The following IQGAP2 variants were observed in gnomAD, a reference collection of about 807,000 sequenced individuals.
The protein encoded by IQGAP2 is ras GTPase-activating-like protein IQGAP2.
Under a neutral mutation model 201.3 loss-of-function variants are expected in IQGAP2, and 173 were observed. The ratio of observed to expected loss-of-function variants is 0.86; its 90% CI spans 0.76 to 0.98. The LOEUF (loss-of-function observed/expected upper bound fraction) is 0.98, where lower values mean the gene tolerates loss of function less well. IQGAP2 is among the 50% of genes least tolerant of loss of function. IQGAP2 has a pLI of 0.00. For synonymous variants in IQGAP2, 675 were observed against 673.9 expected (o/e 1.00, Z -0.03); for missense variants, 1,687 against 1,864.8 (o/e 0.90, Z 1.76).
At chr5:76,532,053 A>G (rs1759328142) in intron 2 of IQGAP2, among the ~76,000 whole-genome samples, 1 of 152,244 alleles carries the variant, frequency 6.6e-6, no homozygotes, top group Non-Finnish European at 1.5e-5. Context: ...CACAGGCCAT[A>G]TCTCCTAATA....
intron 1 of IQGAP2, among the ~76,000 whole-genome samples, chr5:76,460,266 C>T (rs1258511426): frequency 1.3e-5 from 2 of 152,162 alleles, no homozygotes; most frequent in East Asian, 3.8e-4. Flanking sequence ...GCACCACCTG[C>T]AGAAGGTGGG....
chr5:76,404,434 G>A (rs1226641012), intron 1 of IQGAP2: 2 of 984,154 alleles, frequency 2.0e-6, no homozygotes, highest in Non-Finnish European at 2.4e-6. Context: ...AAAACAAACA[G>A]AAAGTTGGCC....
chr5:76,480,775 A>G (rs1755736368), intron 2 of IQGAP2, among the ~76,000 whole-genome samples: 1 of 151,944 alleles, frequency 6.6e-6, no homozygotes, highest in Non-Finnish European at 1.5e-5. Flanking sequence ...ATGTGAGAGA[A>G]TTTTTTGTGC....
At chr5:76,618,553 G>A (rs1749255273) in intron 13 of IQGAP2, 2 of 1,614,092 alleles carry the variant, frequency 1.2e-6, no homozygotes, top group Admixed American at 1.7e-5. Context: ...GCAGAAAAGG[G>A]GAACTCTTCA....
intron 17 of IQGAP2, among the ~76,000 whole-genome samples, 162 bp downstream of exon 17, chr5:76,641,265 T>C (rs1030495699): frequency 1.3e-5 from 2 of 152,178 alleles, no homozygotes; most frequent in Non-Finnish European, 2.9e-5. Context: ...GGCTTTAAAA[T>C]AGGAAGCATT....
At chr5:76,481,117 A>G (rs2150144616) in intron 2 of IQGAP2, among the ~76,000 whole-genome samples, 1 of 152,242 alleles carries the variant, frequency 6.6e-6, no homozygotes, top group Middle Eastern at 3.4e-3. Flanking sequence ...CCACCTCTTA[A>G]TGCTATCACA....
At chr5:76,601,058 G>A (rs1229062841) in intron 11 of IQGAP2, 86 bp downstream of exon 11, 10 of 1,293,074 alleles carry the variant, frequency 7.7e-6, no homozygotes, top group Non-Finnish European at 1.1e-5. Flanking sequence ...TGTTGGTGGA[G>A]AAATCCATAT....
intron 2 of IQGAP2, among the ~76,000 whole-genome samples, chr5:76,484,841 G>GTTGTTATTC (rs1756016399): frequency 6.6e-6 from 1 of 151,234 alleles, no homozygotes; most frequent in Admixed American, 6.6e-5. Context: ...TGTTGTTATT[G>GTTGTTATTC]TTGTTGTTGA....
chr5:76,683,061 G>C (rs1745439654), intron 28 of IQGAP2, 54 bp from the exon 29 acceptor site: 13 of 1,047,280 alleles, frequency 1.2e-5, no homozygotes, highest in Non-Finnish European at 1.7e-5. Flanking sequence ...TATAAATATG[G>C]TACAGTTGAG....
chr5:76,518,082 A>C (rs769081367), intron 2 of IQGAP2, among the ~76,000 whole-genome samples: 2 of 151,908 alleles, frequency 1.3e-5, no homozygotes, highest in African/African-American at 4.8e-5. Context: ...TCAGCCTCCC[A>C]AGTAGTTGGG....
chr5:76,646,662 A>G (rs1477566704), intron 17 of IQGAP2, among the ~76,000 whole-genome samples: 1 of 152,186 alleles, frequency 6.6e-6, no homozygotes, highest in Non-Finnish European at 1.5e-5. Context: ...AAAGCATTTG[A>G]TAGAATTCTA....
rs567410789 is a variant in IQGAP2, at chr5:76,413,156, C to CTTTTTTTTTTTTTTTTTTTTTTTTTTT, written c.46+9569_46+9595dup. 9.9e-4 allele frequency among the ~76,000 whole-genome samples: 83 copies of CTTTTTTTTTTTTTTTTTTTTTTTTTTT among 83,694 alleles called. 1 individual carries two copies. The highest frequency in any genetic ancestry group is 1.2e-3 in the Non-Finnish European group (56 of 46,214). 54.9% of individuals were successfully genotyped at this position (83,694 alleles called of 152,430 possible). ...TATTTTCTTTTTTCTTTTCTTTTCTCTTTTTTTTTTTTTTTTTTTTTTTTT... is the reference window on the plus strand; with the variant it reads ...TATTTTCTTTTTTCTTTTCTTTTCTCTTTTTTTTTTTTTTTTTTTTTTTTTTTTTTTTTTTTTTTTTTTTTTTTTTTT... On this transcript the variant is annotated intron_variant, in intron 1 of 35. Coordinates refer to ENST00000274364, the MANE Select transcript of IQGAP2 (RefSeq NM_006633.5).
At chr5:76,672,461 G>A (rs904844754) in intron 24 of IQGAP2, among the ~76,000 whole-genome samples, 2 of 152,124 alleles carry the variant, frequency 1.3e-5, no homozygotes, top group Non-Finnish European at 2.9e-5. Flanking sequence ...GTAATTATGT[G>A]GGTGGTTGTT....
intron 17 of IQGAP2, among the ~76,000 whole-genome samples, chr5:76,652,286 A>G (rs1002777952): frequency 2.0e-5 from 3 of 152,212 alleles, no homozygotes; most frequent in Admixed American, 1.3e-4. Context: ...CAGGGCCACA[A>G]GTTGGTAGAG....
chr5:76,521,134 T>G (rs557594465), intron 2 of IQGAP2, among the ~76,000 whole-genome samples: 1 of 152,192 alleles, frequency 6.6e-6, no homozygotes, highest in South Asian at 2.1e-4. Context: ...TTTTTTTACC[T>G]TTCTTCCTAA....
At chr5:76,412,392 T>C (rs991845944) in intron 1 of IQGAP2, among the ~76,000 whole-genome samples, 1 of 152,164 alleles carries the variant, frequency 6.6e-6, no homozygotes, top group Non-Finnish European at 1.5e-5. Flanking sequence ...ACTTGAACTC[T>C]TGGGCCCAAG....
chr5:76,492,683 G>A (rs1418220812), intron 2 of IQGAP2, among the ~76,000 whole-genome samples: 2 of 152,124 alleles, frequency 1.3e-5, no homozygotes, highest in Non-Finnish European at 2.9e-5. Context: ...GGAGCAAACA[G>A]TCTAGTGATG....
At chr5:76,526,751 T>C (rs184140163) in intron 2 of IQGAP2, among the ~76,000 whole-genome samples, 1 of 152,322 alleles carries the variant, frequency 6.6e-6, no homozygotes, top group East Asian at 1.9e-4. Flanking sequence ...TTGTAACTAC[T>C]ACACCTGCAG....
At chr5:76,584,181 A>G (rs1190017447) in intron 5 of IQGAP2, among the ~76,000 whole-genome samples, 2 of 152,102 alleles carry the variant, frequency 1.3e-5, no homozygotes, top group Non-Finnish European at 2.9e-5. Context: ...CGAGAAAAAT[A>G]TTTTTATATA....
Sources: gnomAD v4.1 joint callset for allele counts (sites outside exome capture counted in the v4.1 genomes callset) on GRCh38, gnomAD v4.1.1 for gene constraint, MANE v1.5 for transcripts, NCBI Gene and HGNC (gene_info 2026-07-23, HGNC 2026-07-21) for gene names.